The following ZNF112 variants were observed in gnomAD, a reference collection of about 807,000 sequenced individuals.
ZNF112 encodes zinc finger protein 112 (Y14).
A neutral mutation model predicts 77.7 loss-of-function variants in ZNF112; 37 were observed. That is an observed-to-expected ratio of 0.48 (90% CI 0.37 to 0.63). The LOEUF is 0.63. ZNF112 is among the 20% of genes least tolerant of loss of function. The pLI is 0.00. For synonymous variants in ZNF112, 333 were observed against 363.6 expected, an observed-to-expected ratio of 0.92 and a Z score of 0.96; for missense variants, 950 against 1,077.4, an observed-to-expected ratio of 0.88 and a Z score of 1.66.
intron 1 of ZNF112, among the ~76,000 whole-genome samples, chr19:44,349,870 A>G (rs1256235104): frequency 2.0e-5 from 3 of 152,098 alleles, no homozygotes; most frequent in African/African-American, 7.2e-5. Flanking sequence ...TGGTCCATTA[A>G]AATACAAGGG....
Position 44,328,921 on chromosome 19 carries a change from T to A in ZNF112, c.1236A>T (p.Ile412=), listed in dbSNP as rs755077376. 6.2e-7 allele frequency: 1 copy of A among 1,614,012 alleles called. No homozygotes were observed. Among genetic ancestry groups the A allele is most frequent in the Non-Finnish European group, 8.5e-7 (1 of 1,179,996 alleles). Residue 412 remains isoleucine, a synonymous_variant, in exon 4 of 4, where the codon ATA becomes ATT. Coordinates refer to ENST00000354340, the MANE Select transcript of ZNF112 (RefSeq NM_013380.4). ...TACAAATGAAACTCTTTCCATACTCTATATCTGTGTATAGTTTCTCTTCAG... is the reference window on the plus strand; with the variant it reads ...TACAAATGAAACTCTTTCCATACTCAATATCTGTGTATAGTTTCTCTTCAG... The part of the protein sequence containing the change: ...IHTEEKLYTD[I]EYGKSFICSS...
At chr19:44,357,700 C>G (rs574023723), upstream of ZNF112, among the ~76,000 whole-genome samples, 2 of 152,232 alleles carry the variant, frequency 1.3e-5, no homozygotes, top group East Asian at 1.9e-4. Context: ...TGTACTGATA[C>G]AGACAAAATG....
intron 1 of ZNF112, among the ~76,000 whole-genome samples, chr19:44,348,483 AT>A (rs1174789676): frequency 6.6e-6 from 1 of 151,536 alleles, no homozygotes; most frequent in Admixed American, 6.6e-5. Flanking sequence ...CCATCGAATA[AT>A]TTTTTTTTAC....
At chr19:44,332,372 A>C (rs886153869) in intron 3 of ZNF112, among the ~76,000 whole-genome samples, 1 of 152,214 alleles carries the variant, frequency 6.6e-6, no homozygotes, top group Admixed American at 6.5e-5. Context: ...GTAGGTATGC[A>C]TCTTGGTACT....
chr19:44,356,774 A>T (rs1282906568), upstream of ZNF112: 2 of 152,064 alleles, frequency 1.3e-5, no homozygotes, highest in Admixed American at 1.3e-4. Flanking sequence ...ACCCGACTAC[A>T]CGGGGCTCCC....
In ZNF112 at chr19:44,329,933, C is replaced by T. The variant is rs745741968; in HGVS notation, c.224G>A (p.Arg75Lys). Residue 75 changes from arginine to lysine, a missense_variant, in exon 4 of 4, where the codon AGG (arginine) becomes AAG (lysine). By Grantham distance (26) the Arg-to-Lys change is conservative (BLOSUM62 2). Coordinates refer to ENST00000354340, the MANE Select transcript of ZNF112 (RefSeq NM_013380.4). ...TETPRDGCSG[R>K]KNQQKMESIQ... ...ACTCTCCATCTTTTGTTGATTCTTC[C>T]TTCCTATAAGGATAAAGAGAATTCA... 10 of 1,607,992 alleles carry T rather than the reference C, an allele frequency of 6.2e-6. No homozygotes were observed. Among genetic ancestry groups the T allele is most frequent in the South Asian group, 1.1e-5 (1 of 90,534 alleles).
intron 1 of ZNF112, among the ~76,000 whole-genome samples, chr19:44,355,134 C>T (rs370134109): frequency 4.0e-5 from 6 of 151,752 alleles, no homozygotes; most frequent in Non-Finnish European, 7.4e-5. Context: ...AGCTGGGTGA[C>T]GCTTCCACAG....
At chr19:44,342,037 G>A (rs907152105) in intron 1 of ZNF112, among the ~76,000 whole-genome samples, 9 of 152,186 alleles carry the variant, frequency 5.9e-5, no homozygotes, top group African/African-American at 2.2e-4. Flanking sequence ...CGACTCTACA[G>A]TTCCCCTCCA....
Position 44,333,238 on chromosome 19 carries a change from A to G in ZNF112, c.221-3302T>C, listed in dbSNP as rs561156046. Among the ~76,000 whole-genome samples, 4 of 152,282 alleles carry G rather than the reference A, an allele frequency of 2.6e-5. No individual in the cohort carries two copies. In the East Asian group the frequency reaches 5.8e-4, roughly 22 times the overall value. On this transcript the variant is annotated intron_variant, in intron 3 of 3. Transcript: ENST00000354340. ...TGAATTTAATAGTTAGCTATAATGA[A>G]CTCAGAGAAAAAAAATCTTTGTTTA...
In ZNF112 at chr19:44,328,891, T is replaced by C. The variant is rs761474070; in HGVS notation, c.1266A>G (p.Ser422=). The C allele has an allele frequency of 6.2e-7, 1 of 1,614,038 alleles. No individual in the cohort carries two copies. The highest frequency in any genetic ancestry group is 8.5e-7 in the Non-Finnish European group (1 of 1,179,984). The stretch of plus-strand genomic sequence containing the variant: ...GAACCCTATGCTGAATGTCAAGATT[T>C]GAACTACAAATGAAACTCTTTCCAT... ...IEYGKSFICS[S]NLDIQHRVHM... The change falls in exon 4 of 4, where the codon TCA becomes TCG. Residue 422 remains serine (S), a synonymous_variant. Coordinates refer to ENST00000354340, the MANE Select transcript of ZNF112 (RefSeq NM_013380.4).
intron 1 of ZNF112, among the ~76,000 whole-genome samples, chr19:44,356,417 C>A (rs375886169): frequency 6.6e-6 from 1 of 152,242 alleles, no homozygotes; most frequent in South Asian, 2.1e-4. Flanking sequence ...CCAGTCCCTG[C>A]GATGTAGGAT....
At chr19:44,333,937 G>A (rs1175369914) in intron 3 of ZNF112, among the ~76,000 whole-genome samples, 1 of 152,156 alleles carries the variant, frequency 6.6e-6, no homozygotes, top group Non-Finnish European at 1.5e-5. Context: ...TAATAATTTG[G>A]AGGGTTCAGA....
intron 1 of ZNF112, among the ~76,000 whole-genome samples, chr19:44,366,220 T>A (rs567170904): frequency 1.3e-5 from 2 of 152,298 alleles, no homozygotes; most frequent in African/African-American, 4.8e-5. Context: ...TTTTCTTTTT[T>A]AAAAAAGAAG....
chr19:44,330,728 C>T (rs1159268847), intron 3 of ZNF112, among the ~76,000 whole-genome samples: 1 of 152,148 alleles, frequency 6.6e-6, no homozygotes, highest in African/African-American at 2.4e-5. Flanking sequence ...AGAATGAGAT[C>T]CTGTCTCAAA....
chr19:44,331,188 T>C lies in ZNF112; in HGVS notation c.221-1252A>G, dbSNP rs533824171. ...TTCACAATTATCAACGGCCATGGTG[T>C]AGGTCAAAATGTGAAAGACTGTGAC... On this transcript the variant is annotated intron_variant, in intron 3 of 3. Coordinates refer to ENST00000354340, the MANE Select transcript of ZNF112 (RefSeq NM_013380.4). Among the ~76,000 whole-genome samples the C allele has an allele frequency of 5.9e-5, 9 of 152,330 alleles. No individual in the cohort carries two copies. In the South Asian group the frequency reaches 1.9e-3, roughly 32 times the overall value.
chr19:44,350,761 A>C (rs1970676245), intron 1 of ZNF112, among the ~76,000 whole-genome samples: 2 of 152,102 alleles, frequency 1.3e-5, no homozygotes, highest in Admixed American at 1.3e-4. Context: ...CCTTGATGCA[A>C]GCGCAAAGGA....
intron 1 of ZNF112, among the ~76,000 whole-genome samples, chr19:44,351,519 T>G (rs1970691358): frequency 6.6e-6 from 1 of 152,094 alleles, no homozygotes; most frequent in Admixed American, 6.6e-5. Context: ...AGATGAACAT[T>G]TACAGTCAAT....
chr19:44,334,064 G>C (rs1970319773), intron 3 of ZNF112, among the ~76,000 whole-genome samples: 1 of 152,202 alleles, frequency 6.6e-6, no homozygotes, highest in Non-Finnish European at 1.5e-5. Flanking sequence ...GTCTCAGATG[G>C]AGATGAGGAA....
intron 2 of ZNF112, 108 bp downstream of exon 2, chr19:44,340,308 C>T: frequency 6.9e-7 from 1 of 1,458,770 alleles, no homozygotes; most frequent in Non-Finnish European, 9.2e-7. Context: ...GACTCTCGGG[C>T]ACCTAATCTC....
Sources: gnomAD v4.1 joint callset for allele counts (sites outside exome capture counted in the v4.1 genomes callset) on GRCh38, gnomAD v4.1.1 for gene constraint, MANE v1.5 for transcripts, NCBI Gene and HGNC (gene_info 2026-07-23, HGNC 2026-07-21) for gene names.